The following GNE variants were observed in gnomAD, a reference collection of about 807,000 sequenced individuals.
GNE encodes the protein bifunctional UDP-N-acetylglucosamine 2-epimerase/N-acetylmannosamine kinase.
Under a neutral mutation model 61.8 loss-of-function variants are expected in GNE, and 41 were observed. That is an observed-to-expected ratio of 0.66 (90% CI 0.52 to 0.86). The LOEUF (loss-of-function observed/expected upper bound fraction) is 0.86. GNE is among the 40% of genes least tolerant of loss of function. The pLI is 0.00. For missense variants in GNE, 608 were observed against 909.1 expected (o/e 0.67, Z 4.26); for synonymous variants, 264 against 326.4 (o/e 0.81, Z 2.06).
chr9:36,266,989 C>A (rs936390839), intron 1 of GNE, among the ~76,000 whole-genome samples: 54 of 152,270 alleles, frequency 3.5e-4, no homozygotes, highest in African/African-American at 1.2e-3. Context: ...TTGCTTGAAC[C>A]TGGGAGGCGA....
intron 3 of GNE, among the ~76,000 whole-genome samples, chr9:36,243,958 G>T (rs1320236249): frequency 6.8e-6 from 1 of 146,858 alleles, no homozygotes; most frequent in African/African-American, 2.5e-5. Context: ...ATTGTTTTTT[G>T]TTTTTTTTTG....
intron 2 of GNE, among the ~76,000 whole-genome samples, chr9:36,246,910 C>A (rs1320734996): frequency 2.0e-5 from 3 of 151,970 alleles, no homozygotes; most frequent in Admixed American, 1.3e-4. Flanking sequence ...CTCAGGTGAT[C>A]CACCCACCTT....
Position 36,274,761 on chromosome 9 carries a change from C to T in GNE, c.51+2133G>A, listed in dbSNP as rs183235446. On this transcript the variant is annotated intron_variant, in intron 1 of 11. Coordinates refer to the GNE transcript ENST00000396594. ...CTCTTGAGACGGAGTCTCGCTCTGTCGCCCAGGCTGGAGTGCCGTGGCGCG... is the reference window on the plus strand; with the variant it reads ...CTCTTGAGACGGAGTCTCGCTCTGTTGCCCAGGCTGGAGTGCCGTGGCGCG... Among the ~76,000 whole-genome samples the T allele has an allele frequency of 1.2e-3, 177 of 150,482 alleles. 1 individual carries two copies. Among genetic ancestry groups the T allele is most frequent in the African/African-American group, 4.2e-3 (170 of 40,886 alleles).
intron 9 of GNE, among the ~76,000 whole-genome samples, chr9:36,222,363 G>T (rs1042140735): frequency 7.4e-5 from 11 of 148,648 alleles, no homozygotes; most frequent in African/African-American, 2.5e-4. Flanking sequence ...AGCTTGCAGT[G>T]AGCCGAGATC....
intron 1 of GNE, among the ~76,000 whole-genome samples, chr9:36,274,068 C>CTGTGTGTGTG (rs71336439): frequency 2.1e-3 from 301 of 142,314 alleles, no homozygotes; most frequent in African/African-American, 7.5e-3. Context: ...GTCTATGGTA[C>CTGTGTGTGTG]TGTGTGTGTG....
At position 36,242,732 on chromosome 9, in the gene GNE, G is replaced by GCTTTTTTTTTTTT. The variant is rs375794259; in HGVS notation, c.616+3298_616+3299insAAAAAAAAAAAAG. Among the ~76,000 whole-genome samples, 4 of 95,992 alleles carry GCTTTTTTTTTTTT rather than the reference G, an allele frequency of 4.2e-5. 2 individuals carry two copies. The highest frequency in any genetic ancestry group is 3.9e-5 in the Non-Finnish European group (2 of 50,778). The allele number at this position is 95,992 out of a possible 152,430, so 63.0% of individuals were successfully genotyped here. A position where few individuals can be genotyped will look rare whatever the true frequency, so the allele number is the denominator to read the frequency against. ...CGCATCTGGCCTGGGTTTTATGCTT[G>GCTTTTTTTTTTTT]TTTTTTTTTTTTTTTTTTTTTTTGA... On this transcript the variant is annotated intron_variant, in intron 3 of 11. Transcript: ENST00000642385.
chr9:36,243,018 G>A (rs1382335301), intron 3 of GNE, among the ~76,000 whole-genome samples: 2 of 151,968 alleles, frequency 1.3e-5, no homozygotes, highest in African/African-American at 4.8e-5. Flanking sequence ...AGGGTCACAG[G>A]CATGAGCCAC....
intron 3 of GNE, among the ~76,000 whole-genome samples, chr9:36,239,307 A>G (rs919936794): frequency 6.6e-6 from 1 of 152,056 alleles, no homozygotes; most frequent in Non-Finnish European, 1.5e-5. Context: ...TTGAATCTGT[A>G]GATTGCTTTT....
At position 36,216,327 on chromosome 9, in the gene GNE, ATGTGTGTG is replaced by A. The variant is rs10527967; in HGVS notation, c.*1030_*1037del. On this transcript the variant is annotated 3_prime_UTR_variant, in exon 12 of 12. Coordinates refer to ENST00000642385, the MANE Select transcript of GNE (RefSeq NM_005476.7). The stretch of plus-strand genomic sequence containing the variant: ...TTAGTTTGGGGTTAGAGGAGGAAGG[ATGTGTGTG>A]TGTGTGTGTGTGTGTGTGTAGACGG... The A allele has an allele frequency of 2.5e-5, 9 of 357,558 alleles. No homozygotes were observed. The highest frequency in any genetic ancestry group is 1.6e-4 in the East Asian group (2 of 12,768). 22.1% of individuals were successfully genotyped at this position (357,558 alleles called of 1,614,324 possible). A position where few individuals can be genotyped will look rare whatever the true frequency, so the allele number is the denominator to read the frequency against.
chr9:36,232,222 C>A (rs182097540), intron 5 of GNE, among the ~76,000 whole-genome samples: 1 of 152,110 alleles, frequency 6.6e-6, no homozygotes, highest in Non-Finnish European at 1.5e-5. Flanking sequence ...TATAACAAGA[C>A]CCAAATCTAA....
chr9:36,243,914 A>G (rs1563944873), intron 3 of GNE, among the ~76,000 whole-genome samples: 1 of 151,646 alleles, frequency 6.6e-6, no homozygotes, highest in East Asian at 1.9e-4. Context: ...TTGCTTATTC[A>G]ATTTTCTTTT....
In GNE at chr9:36,230,723, G is replaced by A. The variant is rs112552153; in HGVS notation, c.983-1615C>T. Reference sequence around the variant, plus strand: ...TGCCCAGGCTGGAGTGCAGTGGCGCGATCTTGGCTCACTGCAAGTTCCGCC... The same window carrying A: ...TGCCCAGGCTGGAGTGCAGTGGCGCAATCTTGGCTCACTGCAAGTTCCGCC... On this transcript the variant is annotated intron_variant, in intron 5 of 11. Transcript: ENST00000642385. Among the ~76,000 whole-genome samples, 22 of 150,594 alleles carry A rather than the reference G, an allele frequency of 1.5e-4. 1 individual carries two copies. The highest frequency in any genetic ancestry group is 5.1e-4 in the African/African-American group (21 of 40,896).
rs1830982779 is a variant in GNE, at chr9:36,270,512, CTTTCT to C, written c.51+6377_51+6381del. Among the ~76,000 whole-genome samples, 18 of 144,128 alleles carry C rather than the reference CTTTCT, an allele frequency of 1.2e-4. No homozygotes were observed. In the South Asian group the frequency reaches 4.0e-3, roughly 32 times the overall value. 94.6% of individuals were successfully genotyped at this position (144,128 alleles called of 152,430 possible). On this transcript the variant is annotated intron_variant, in intron 1 of 11. Coordinates refer to the GNE transcript ENST00000396594. ...TTGGGAGGCTGAGACAGGAGGATTT[CTTTCT>C]TTTTTTTTTTTTTTTTTTGAGACGG...
At chr9:36,226,632 G>A (rs767968414) in intron 7 of GNE, among the ~76,000 whole-genome samples, 2 of 151,954 alleles carry the variant, frequency 1.3e-5, no homozygotes, top group African/African-American at 2.4e-5. Context: ...ATTTCTCATC[G>A]TCTCTGGAAG....
chr9:36,236,001 C>T (rs537003602), intron 4 of GNE, among the ~76,000 whole-genome samples: 2 of 152,322 alleles, frequency 1.3e-5, no homozygotes, highest in Admixed American at 6.5e-5. Context: ...TAGTACCATC[C>T]ACTGGTAAGC....
At chr9:36,253,715 A>C (rs1830212733) in intron 1 of GNE, among the ~76,000 whole-genome samples, 1 of 152,118 alleles carries the variant, frequency 6.6e-6, no homozygotes, top group African/African-American at 2.4e-5. Context: ...ATATACAAAG[A>C]GTTATAAGAG....
At chr9:36,258,676 G>A (rs755074773), upstream of GNE, among the ~76,000 whole-genome samples, 2 of 152,246 alleles carry the variant, frequency 1.3e-5, no homozygotes, top group African/African-American at 2.4e-5. Flanking sequence ...GGGCTGTCCT[G>A]CCAGCTTGTG....
chr9:36,254,373 T>A (rs1830242611), intron 1 of GNE, among the ~76,000 whole-genome samples: 1 of 150,588 alleles, frequency 6.6e-6, no homozygotes, highest in African/African-American at 2.4e-5. Flanking sequence ...TACAAACAAA[T>A]TTTTTTTAAT....
At chr9:36,253,770 G>A (rs975747037) in intron 1 of GNE, among the ~76,000 whole-genome samples, 1 of 151,988 alleles carries the variant, frequency 6.6e-6, no homozygotes, top group Non-Finnish European at 1.5e-5. Flanking sequence ...GGGCACAGTG[G>A]CTCATGCCTG....
Sources: gnomAD v4.1 joint callset for allele counts (sites outside exome capture counted in the v4.1 genomes callset) on GRCh38, gnomAD v4.1.1 for gene constraint, MANE v1.5 for transcripts, NCBI Gene and HGNC (gene_info 2026-07-23, HGNC 2026-07-21) for gene names.